The following MARCHF8 variants were observed in gnomAD, a reference collection of about 807,000 sequenced individuals.
The protein encoded by MARCHF8 is E3 ubiquitin-protein ligase MARCHF8.
In MARCHF8, 40 loss-of-function variants were observed where a neutral mutation model predicts 51.6. The ratio of observed to expected loss-of-function variants is 0.77; its 90% CI spans 0.60 to 1.01. The LOEUF (loss-of-function observed/expected upper bound fraction) is 1.01. Among genes scored for constraint, MARCHF8 ranks in the 50% least tolerant of loss-of-function variants. The pLI, the probability that MARCHF8 is intolerant of heterozygous loss-of-function variation, is 0.00. For missense variants in MARCHF8, 685 were observed against 708.6 expected (o/e 0.97, Z 0.38); for synonymous variants, 263 against 280.3 (o/e 0.94, Z 0.62).
intron 1 of MARCHF8, among the ~76,000 whole-genome samples, chr10:45,579,051 TAAC>T (rs2044521493): frequency 6.6e-6 from 1 of 152,212 alleles, no homozygotes; most frequent in Non-Finnish European, 1.5e-5. Flanking sequence ...ATGAATTAGA[TAAC>T]AACACCGTAC....
chr10:45,537,045 G>C (rs1214904408), upstream of MARCHF8, among the ~76,000 whole-genome samples: 1 of 151,970 alleles, frequency 6.6e-6, no homozygotes, highest in Non-Finnish European at 1.5e-5. Flanking sequence ...TGCTAGTGAG[G>C]ATCTATGCAG....
chr10:45,555,698 T>G (rs1179713659), intron 1 of MARCHF8, among the ~76,000 whole-genome samples: 1 of 146,110 alleles, frequency 6.8e-6, no homozygotes, highest in Non-Finnish European at 1.5e-5. Flanking sequence ...GAGCCATGAT[T>G]ACACCACTGC....
At chr10:45,524,358 G>A (rs1161060269) in intron 2 of MARCHF8, among the ~76,000 whole-genome samples, 2 of 152,170 alleles carry the variant, frequency 1.3e-5, no homozygotes, top group Non-Finnish European at 2.9e-5. Flanking sequence ...AGATCGCTGT[G>A]ATTACCAAAT....
intron 2 of MARCHF8, among the ~76,000 whole-genome samples, chr10:45,528,740 T>G (rs116560230): frequency 6.6e-6 from 1 of 152,026 alleles, no homozygotes; most frequent in African/African-American, 2.4e-5. Flanking sequence ...CCATTTACAA[T>G]AGCTACAAAA....
chr10:45,468,452 G>A (rs964794660), intron 3 of MARCHF8, among the ~76,000 whole-genome samples: 1 of 152,122 alleles, frequency 6.6e-6, no homozygotes, highest in Non-Finnish European at 1.5e-5. Flanking sequence ...ACCCCCAACT[G>A]GGCCTCCTTT....
At chr10:45,485,495 T>A (rs1362983779) in intron 3 of MARCHF8, among the ~76,000 whole-genome samples, 1 of 152,188 alleles carries the variant, frequency 6.6e-6, no homozygotes, top group Non-Finnish European at 1.5e-5. Context: ...CTTAAGGGGA[T>A]CAAATCCAGC....
chr10:45,522,747 A>C (rs1350700483), intron 2 of MARCHF8, among the ~76,000 whole-genome samples: 2 of 152,204 alleles, frequency 1.3e-5, no homozygotes, highest in Non-Finnish European at 2.9e-5. Context: ...AAATGTGGTA[A>C]ATTGAGTTCT....
Position 45,578,634 on chromosome 10 carries a change from A to G in MARCHF8, c.-79+15601T>C, listed in dbSNP as rs560049855. 9.8e-4 allele frequency among the ~76,000 whole-genome samples: 150 copies of G among 152,324 alleles called. 4 individuals are homozygous for G. The South Asian group carries it at 0.03, about 31-fold the overall frequency. On this transcript the variant is annotated intron_variant, in intron 1 of 6. Coordinates refer to the MARCHF8 transcript ENST00000319836. ...GTCAACAAATATTAACTTCAAAGAG[A>G]AAAACAGTATCATGGCAGTAGAGAA...
intron 1 of MARCHF8, among the ~76,000 whole-genome samples, chr10:45,541,420 C>T (rs989911882): frequency 5.3e-5 from 8 of 151,360 alleles, no homozygotes; most frequent in Admixed American, 4.6e-4. Flanking sequence ...GGGCCTGTTG[C>T]GGGGTGGGGG....
At chr10:45,579,635 T>C (rs2044530616) in intron 1 of MARCHF8, among the ~76,000 whole-genome samples, 1 of 152,176 alleles carries the variant, frequency 6.6e-6, no homozygotes, top group South Asian at 2.1e-4. Flanking sequence ...TGTCCTAAAA[T>C]GGCCACTCAA....
intron 1 of MARCHF8, among the ~76,000 whole-genome samples, chr10:45,560,233 C>G (rs1430794257): frequency 6.6e-6 from 1 of 152,180 alleles, no homozygotes; most frequent in Non-Finnish European, 1.5e-5. Context: ...GGAGATCCAT[C>G]AGGGTGGTAG....
intron 1 of MARCHF8, among the ~76,000 whole-genome samples, chr10:45,542,345 CAAAAAAAAAAAAAA>C (rs60776762): frequency 1.6e-4 from 8 of 48,990 alleles, no homozygotes; most frequent in Admixed American, 1.1e-3. Flanking sequence ...GACTTCGTCT[CAAAAAAAAAAAAAA>C]AAAAAAAAAA....
chr10:45,483,056 A>AT (rs1321846661), intron 3 of MARCHF8, among the ~76,000 whole-genome samples: 1 of 152,204 alleles, frequency 6.6e-6, no homozygotes. Context: ...AAACACAGGG[A>AT]TTACACTTCA....
chr10:45,593,175 A>G (rs968242072), intron 1 of MARCHF8, among the ~76,000 whole-genome samples: 3 of 148,348 alleles, frequency 2.0e-5, no homozygotes, highest in Admixed American at 1.3e-4. Flanking sequence ...TCCACTTCCA[A>G]TTCTTGCTCA....
chr10:45,489,911 G>T (rs1345580414), intron 2 of MARCHF8, among the ~76,000 whole-genome samples: 1 of 152,130 alleles, frequency 6.6e-6, no homozygotes. Context: ...ACTCAATCGG[G>T]ATATCACACA....
chr10:45,546,818 A>G (rs2044129096), intron 1 of MARCHF8, among the ~76,000 whole-genome samples: 1 of 152,024 alleles, frequency 6.6e-6, no homozygotes, highest in African/African-American at 2.4e-5. Context: ...GAAAATATAT[A>G]TGCAATTACC....
In MARCHF8 at chr10:45,552,295, C is replaced by G. The variant is rs572125278; in HGVS notation, c.-78-19006G>C. On this transcript the variant is annotated intron_variant, in intron 1 of 6. Transcript: ENST00000319836. ...AGTAGTTTTATTACTAACTGGCACA[C>G]AGGTGGTAGAATTTAAAAAAAAAAA... Among the ~76,000 whole-genome samples the G allele has an allele frequency of 5.5e-5, 8 of 146,742 alleles. 2 individuals are homozygous for G. The highest frequency in any genetic ancestry group is 2.0e-4 in the African/African-American group (8 of 39,750).
chr10:45,568,516 C>G (rs910903296), intron 1 of MARCHF8, among the ~76,000 whole-genome samples: 1 of 152,046 alleles, frequency 6.6e-6, no homozygotes, highest in Non-Finnish European at 1.5e-5. Context: ...GTCAAGAGAT[C>G]ATGACCATCC....
intron 1 of MARCHF8, among the ~76,000 whole-genome samples, chr10:45,590,801 A>G (rs1277630271): frequency 6.6e-6 from 1 of 152,246 alleles, no homozygotes; most frequent in Non-Finnish European, 1.5e-5. Flanking sequence ...AGGCAGGCAG[A>G]TCACTTGAGG....
Sources: gnomAD v4.1 joint callset for allele counts (sites outside exome capture counted in the v4.1 genomes callset) on GRCh38, gnomAD v4.1.1 for gene constraint, MANE v1.5 for transcripts, NCBI Gene and HGNC (gene_info 2026-07-23, HGNC 2026-07-21) for gene names.